The following SAXO1 variants were observed in gnomAD, a reference collection of about 807,000 sequenced individuals.
SAXO1 encodes the protein 4930500O09Rik.
SAXO1 carries 21 observed loss-of-function variants against 17.5 expected under a neutral mutation model. The observed-to-expected ratio is 1.20, with a 90% confidence interval of 0.85 to 1.72. SAXO1 has a LOEUF of 1.72. Ranked by LOEUF, SAXO1 falls within the 40% of genes most tolerant of loss-of-function variation. The pLI is 0.00. For synonymous variants in SAXO1, 274 were observed against 216.5 expected (o/e 1.27, Z -2.33); for missense variants, 843 against 596.0 (o/e 1.41, Z -4.32).
At chr9:18,976,406 G>C (rs963862556) in intron 1 of SAXO1, among the ~76,000 whole-genome samples, 2 of 152,194 alleles carry the variant, frequency 1.3e-5, no homozygotes, top group Non-Finnish European at 2.9e-5. Context: ...ATCCTTCTGC[G>C]TGTGGGTCTG....
At chr9:18,970,550 A>C (rs1204847153) in intron 1 of SAXO1, among the ~76,000 whole-genome samples, 2 of 152,188 alleles carry the variant, frequency 1.3e-5, no homozygotes, top group African/African-American at 4.8e-5. Context: ...CACTGGCCCT[A>C]GGCTGTGGTC....
intron 1 of SAXO1, among the ~76,000 whole-genome samples, chr9:18,967,504 G>T (rs1039334850): frequency 6.6e-6 from 1 of 152,182 alleles, no homozygotes; most frequent in East Asian, 1.9e-4. Context: ...ACTGTTGGGG[G>T]TTCTAACCCA....
At chr9:19,018,167 C>CAA (rs879664616) in intron 1 of SAXO1, among the ~76,000 whole-genome samples, 3 of 130,908 alleles carry the variant, frequency 2.3e-5, no homozygotes, top group Middle Eastern at 3.6e-3. Flanking sequence ...GACCCCATCT[C>CAA]AAAAAAAAAA....
chr9:19,022,699 T>G (rs748024761), intron 1 of SAXO1, among the ~76,000 whole-genome samples: 3 of 152,194 alleles, frequency 2.0e-5, no homozygotes, highest in Non-Finnish European at 4.4e-5. Flanking sequence ...CAACCCCAAT[T>G]TGTTAACATT....
Position 18,928,703 on chromosome 9 carries a change from T to C in SAXO1, c.774A>G (p.Leu258=). Residue 258 remains leucine, a synonymous_variant, in exon 4 of 4, where the codon CTA becomes CTG. Coordinates refer to ENST00000380534, the MANE Select transcript of SAXO1 (RefSeq NM_153707.4). Reference sequence around the variant, plus strand: ...GCATGTCTAGCCCAGGAGGCCTGGCTAGAGGTTTCAAGCTCTTGGCAGGCT... The same window carrying C: ...GCATGTCTAGCCCAGGAGGCCTGGCCAGAGGTTTCAAGCTCTTGGCAGGCT... The part of the protein sequence containing the change: ...MGEPAKSLKP[L]ARPPGLDMPF... 1 of 1,614,140 alleles carries C rather than the reference T, an allele frequency of 6.2e-7. No homozygotes were observed. The highest frequency in any genetic ancestry group is 8.5e-7 in the Non-Finnish European group (1 of 1,180,024).
intron 1 of SAXO1, among the ~76,000 whole-genome samples, chr9:18,999,176 T>C (rs530105156): frequency 5.9e-5 from 9 of 152,172 alleles, no homozygotes; most frequent in African/African-American, 1.9e-4. Context: ...GGATAAAGAG[T>C]CAAGACCTAC....
chr9:18,932,621 T>C (rs1040421778), intron 3 of SAXO1, among the ~76,000 whole-genome samples: 2 of 152,210 alleles, frequency 1.3e-5, no homozygotes, highest in East Asian at 3.8e-4. Context: ...ACAGATCAAT[T>C]TGGGACAACT....
chr9:19,018,875 T>C (rs530357178), intron 1 of SAXO1, among the ~76,000 whole-genome samples: 34 of 152,204 alleles, frequency 2.2e-4, no homozygotes, highest in African/African-American at 8.2e-4. Flanking sequence ...TTTGGGAGGC[T>C]GAGGCTGGTG....
intron 1 of SAXO1, among the ~76,000 whole-genome samples, chr9:18,978,735 C>T (rs1245493577): frequency 6.6e-6 from 1 of 152,178 alleles, no homozygotes; most frequent in Non-Finnish European, 1.5e-5. Flanking sequence ...TGCAAAATAA[C>T]TTAGGAAGAT....
At position 19,040,223 on chromosome 9, in the gene SAXO1, A is replaced by G. The variant is rs574614389; in HGVS notation, c.-158+8986T>C. ...GGGTAGAGTTTACATGCTTTTCAAAAATTTTTGTTAAGAAACAGCAAATGA... is the reference window on the plus strand; with the variant it reads ...GGGTAGAGTTTACATGCTTTTCAAAGATTTTTGTTAAGAAACAGCAAATGA... On this transcript the variant is annotated intron_variant, in intron 1 of 3. Coordinates refer to the SAXO1 transcript ENST00000542071. 2.8e-3 allele frequency among the ~76,000 whole-genome samples: 425 copies of G among 152,316 alleles called. 7 individuals are homozygous for G. The South Asian group carries it at 0.037, about 13-fold the overall frequency.
At chr9:19,022,892 G>C (rs545628921) in intron 1 of SAXO1, among the ~76,000 whole-genome samples, 2 of 152,206 alleles carry the variant, frequency 1.3e-5, no homozygotes, top group Non-Finnish European at 2.9e-5. Flanking sequence ...GGTATGCTAT[G>C]CAGGGAGTAC....
At chr9:19,039,557 T>G (rs554451346) in intron 1 of SAXO1, among the ~76,000 whole-genome samples, 1 of 152,220 alleles carries the variant, frequency 6.6e-6, no homozygotes, top group Non-Finnish European at 1.5e-5. Context: ...CTTAGAGAAC[T>G]GATTTCTCAT....
At chr9:18,982,446 A>G (rs1206170868) in intron 1 of SAXO1, among the ~76,000 whole-genome samples, 2 of 152,208 alleles carry the variant, frequency 1.3e-5, no homozygotes, top group Non-Finnish European at 2.9e-5. Context: ...GTCTCCTAGG[A>G]AAAGCTCTGC....
At chr9:18,946,181 C>G (rs1225179432) in intron 2 of SAXO1, among the ~76,000 whole-genome samples, 1 of 145,656 alleles carries the variant, frequency 6.9e-6, no homozygotes, top group East Asian at 2.0e-4. Context: ...GAGGCTGAGG[C>G]AGGAGAATCG....
intron 3 of SAXO1, among the ~76,000 whole-genome samples, chr9:18,934,136 C>T (rs1027782475): frequency 6.6e-6 from 1 of 152,106 alleles, no homozygotes; most frequent in Non-Finnish European, 1.5e-5. Flanking sequence ...TTGTTTTTGG[C>T]TTTCAACAAT....
chr9:19,033,507 C>A (rs1042579766), upstream of SAXO1, among the ~76,000 whole-genome samples: 2 of 152,240 alleles, frequency 1.3e-5, no homozygotes, highest in Non-Finnish European at 2.9e-5. Flanking sequence ...ATCCATGGTG[C>A]CCCCTCTTAG....
Position 18,953,882 on chromosome 9 carries a change from A to T in SAXO1, c.39-2945T>A, listed in dbSNP as rs921050160. 4.6e-5 allele frequency among the ~76,000 whole-genome samples: 7 copies of T among 152,242 alleles called. 1 individual carries two copies. Among genetic ancestry groups the T allele is most frequent in the Non-Finnish European group, 2.9e-5 (2 of 68,042 alleles). On this transcript the variant is annotated intron_variant, in intron 1 of 3. Coordinates refer to ENST00000380534, the MANE Select transcript of SAXO1 (RefSeq NM_153707.4). ...AATTTGTTCTAACATTAGTAGAGCC[A>T]AAAAGGGAAAGACAGATTTCTCAAC...
intron 1 of SAXO1, among the ~76,000 whole-genome samples, chr9:18,990,727 C>T (rs1833780217): frequency 6.6e-6 from 1 of 152,186 alleles, no homozygotes; most frequent in East Asian, 1.9e-4. Flanking sequence ...CTGAGCTCTG[C>T]CTCTTGTCAG....
chr9:18,997,705 C>A (rs1346320311), intron 1 of SAXO1, among the ~76,000 whole-genome samples: 2 of 152,188 alleles, frequency 1.3e-5, no homozygotes, highest in African/African-American at 4.8e-5. Flanking sequence ...GGAGACACTT[C>A]CCAGTAGGGG....
Sources: gnomAD v4.1 joint callset for allele counts (sites outside exome capture counted in the v4.1 genomes callset) on GRCh38, gnomAD v4.1.1 for gene constraint, MANE v1.5 for transcripts, NCBI Gene and HGNC (gene_info 2026-07-23, HGNC 2026-07-21) for gene names.